The following EYA2 variants were observed in gnomAD, a reference collection of about 807,000 sequenced individuals.
EYA2 encodes protein phosphatase EYA2.
In EYA2, 31 loss-of-function variants were observed where a neutral mutation model predicts 69.2. The ratio of observed to expected loss-of-function variants is 0.45; its 90% confidence interval spans 0.34 to 0.60. The LOEUF (loss-of-function observed/expected upper bound fraction) is 0.60, where lower values mean the gene tolerates loss of function less well. Among genes scored for constraint, EYA2 ranks in the 20% least tolerant of loss-of-function variants. The pLI, the probability that EYA2 is intolerant of heterozygous loss-of-function variation, is 0.02. For missense variants in EYA2, 622 were observed against 701.2 expected (o/e 0.89, Z 1.28); for synonymous variants, 257 against 279.4 (o/e 0.92, Z 0.80).
rs936576002 is a variant in EYA2 at position 47,012,586 on chromosome 20, T to C, written c.299-3595T>C. Among the ~76,000 whole-genome samples the C allele has an allele frequency of 2.0e-5, 3 of 152,328 alleles. No homozygotes were observed. In the East Asian group the frequency reaches 5.8e-4, roughly 29 times the overall value. ...TTGGCTCACTGCAACCTCCACCTTC[T>C]AGTTTCAAGCAATTCTCATGCCTCA... On this transcript the variant is annotated intron_variant, in intron 4 of 15. Coordinates refer to ENST00000327619, the MANE Select transcript of EYA2 (RefSeq NM_005244.5).
chr20:47,159,859 G>A (rs910685251), intron 10 of EYA2, among the ~76,000 whole-genome samples: 8 of 151,896 alleles, frequency 5.3e-5, no homozygotes, highest in African/African-American at 1.7e-4. Context: ...GCATGGTGGC[G>A]CATGCCTGTA....
intron 1 of EYA2, among the ~76,000 whole-genome samples, chr20:46,941,781 C>CA (rs1246679948): frequency 2.0e-5 from 3 of 151,628 alleles, no homozygotes; most frequent in Non-Finnish European, 2.9e-5. Context: ...TTTCTTGAGA[C>CA]AAAGTCTCAC....
At chr20:47,141,833 G>A (rs1214452513) in intron 9 of EYA2, among the ~76,000 whole-genome samples, 2 of 152,172 alleles carry the variant, frequency 1.3e-5, no homozygotes, top group African/African-American at 4.8e-5. Flanking sequence ...ACTGGCCAAA[G>A]CAAGTTGCAT....
At chr20:46,946,880 G>C (rs539808313) in intron 1 of EYA2, among the ~76,000 whole-genome samples, 1 of 151,268 alleles carries the variant, frequency 6.6e-6, no homozygotes, top group East Asian at 2.0e-4. Context: ...GTTTTGGCCT[G>C]TTTCTACTTC....
At chr20:47,112,878 T>TTC (rs2032786458) in intron 9 of EYA2, among the ~76,000 whole-genome samples, 1 of 131,090 alleles carries the variant, frequency 7.6e-6, no homozygotes, top group African/African-American at 2.9e-5. Context: ...TTTTTTTTTT[T>TTC]TTTTTTTTTT....
intron 9 of EYA2, among the ~76,000 whole-genome samples, chr20:47,139,279 G>A (rs2033543529): frequency 6.6e-6 from 1 of 152,148 alleles, no homozygotes; most frequent in Admixed American, 6.5e-5. Context: ...GTTAATCCAA[G>A]AAATATATGC....
At chr20:47,182,905 C>T (rs1371495333) in intron 14 of EYA2, among the ~76,000 whole-genome samples, 1 of 152,130 alleles carries the variant, frequency 6.6e-6, no homozygotes, top group Non-Finnish European at 1.5e-5. Flanking sequence ...CCACTGCACT[C>T]CAGCCTGGGT....
intron 5 of EYA2, among the ~76,000 whole-genome samples, chr20:47,058,888 T>C (rs2146449518): frequency 6.6e-6 from 1 of 152,154 alleles, no homozygotes; most frequent in East Asian, 1.9e-4. Context: ...CACGGCAACA[T>C]GGGTGGGTCT....
chr20:47,134,575 TACAC>T (rs10627302), intron 9 of EYA2, among the ~76,000 whole-genome samples: 19 of 149,650 alleles, frequency 1.3e-4, no homozygotes, highest in Non-Finnish European at 2.5e-4. Flanking sequence ...ACCCACCACA[TACAC>T]ACACACACAC....
chr20:46,951,822 G>C (rs964444029), intron 1 of EYA2, among the ~76,000 whole-genome samples: 3 of 152,212 alleles, frequency 2.0e-5, no homozygotes, highest in Non-Finnish European at 2.9e-5. Context: ...CAGAGCCTAA[G>C]TTCCTTCATT....
chr20:47,185,169 G>T (rs2034612533), intron 15 of EYA2, among the ~76,000 whole-genome samples: 1 of 151,516 alleles, frequency 6.6e-6, no homozygotes, highest in Non-Finnish European at 1.5e-5. Context: ...CTTCACGAGT[G>T]ATGAATCCAC....
intron 9 of EYA2, among the ~76,000 whole-genome samples, chr20:47,121,373 A>G (rs1013570862): frequency 2.6e-5 from 4 of 152,148 alleles, no homozygotes; most frequent in Non-Finnish European, 1.5e-5. Flanking sequence ...AATTACACGC[A>G]TGAGCCACCG....
At chr20:47,092,875 T>C (rs1044058767) in intron 8 of EYA2, among the ~76,000 whole-genome samples, 7 of 152,284 alleles carry the variant, frequency 4.6e-5, no homozygotes, top group East Asian at 3.9e-4. Flanking sequence ...AGAGAAATTA[T>C]GTGGAAGTGG....
intron 5 of EYA2, among the ~76,000 whole-genome samples, chr20:47,042,236 C>T (rs1183939621): frequency 1.3e-5 from 2 of 152,134 alleles, no homozygotes; most frequent in African/African-American, 4.8e-5. Context: ...TGGCAAGGGT[C>T]AGTGATAGGT....
chr20:47,023,741 G>A (rs767476598), intron 5 of EYA2, among the ~76,000 whole-genome samples: 2 of 145,810 alleles, frequency 1.4e-5, no homozygotes, highest in Non-Finnish European at 3.0e-5. Flanking sequence ...GGGTTCAAGC[G>A]ATTCTTATGC....
chr20:46,983,898 A>G (rs1981004466), intron 1 of EYA2, among the ~76,000 whole-genome samples: 1 of 152,116 alleles, frequency 6.6e-6, no homozygotes. Flanking sequence ...TTCCCTCAGG[A>G]CCTGCCTTGG....
intron 10 of EYA2, among the ~76,000 whole-genome samples, chr20:47,152,611 G>A (rs2033844562): frequency 6.6e-6 from 1 of 151,580 alleles, no homozygotes; most frequent in Non-Finnish European, 1.5e-5. Context: ...AGGGCTTCGA[G>A]ACCAGCCTGG....
At chr20:47,026,532 A>G (rs1421318425) in intron 5 of EYA2, among the ~76,000 whole-genome samples, 1 of 152,250 alleles carries the variant, frequency 6.6e-6, no homozygotes, top group Non-Finnish European at 1.5e-5. Flanking sequence ...AAGAAAACAA[A>G]ATGACAAACT....
intron 1 of EYA2, among the ~76,000 whole-genome samples, chr20:46,948,425 A>G (rs545986777): frequency 2.6e-5 from 4 of 152,258 alleles, no homozygotes; most frequent in Admixed American, 1.3e-4. Flanking sequence ...TTTTTGAAAA[A>G]CACTGGTCAC....
Sources: gnomAD v4.1 joint callset for allele counts (sites outside exome capture counted in the v4.1 genomes callset) on GRCh38, gnomAD v4.1.1 for gene constraint, MANE v1.5 for transcripts, NCBI Gene and HGNC (gene_info 2026-07-23, HGNC 2026-07-21) for gene names.